Variants in ARHGAP12 observed in about 807,000 individuals in gnomAD.
The protein encoded by ARHGAP12 is Rho GTPase activating protein 12.
ARHGAP12 carries 64 observed loss-of-function variants against 108.6 expected under a neutral mutation model. That is an observed-to-expected ratio of 0.59 (90% CI 0.48 to 0.73). The LOEUF is 0.73. ARHGAP12 is among the 30% of genes least tolerant of loss of function. The pLI, the probability that ARHGAP12 is intolerant of heterozygous loss-of-function variation, is 0.00. For missense variants in ARHGAP12, 940 were observed against 1,005.9 expected (o/e 0.93, Z 0.89); for synonymous variants, 312 against 337.2 (o/e 0.93, Z 0.82).
intron 4 of ARHGAP12, among the ~76,000 whole-genome samples, chr10:31,860,890 C>T (rs1837088372): frequency 1.3e-5 from 2 of 152,050 alleles, no homozygotes; most frequent in South Asian, 4.1e-4. Context: ...GACCCCATCT[C>T]TACAAATAAA....
In ARHGAP12 at chr10:31,812,794, C is replaced by G; in HGVS notation, c.1864G>C (p.Glu622Gln). ...AAGTTTTTCTTGGTTTTTTTCTGTT[C>G]TGAAGAATCTATGCTAGATACTTTA... ...SFKVSSIDSS[E>Q]QKKTKKNLKK... Residue 622 changes from glutamate to glutamine, a missense_variant, in exon 15 of 20, where the codon GAA (glutamate) becomes CAA (glutamine). Coordinates refer to ENST00000344936, the MANE Select transcript of ARHGAP12 (RefSeq NM_018287.7). 4 of 1,606,514 alleles carry G rather than the reference C, an allele frequency of 2.5e-6. No individual in the cohort carries two copies. Among genetic ancestry groups the G allele is most frequent in the Non-Finnish European group, 3.4e-6 (4 of 1,177,018 alleles).
At chr10:31,891,205 T>C (rs535455598) in intron 3 of ARHGAP12, among the ~76,000 whole-genome samples, 2 of 152,312 alleles carry the variant, frequency 1.3e-5, no homozygotes, top group South Asian at 4.1e-4. Flanking sequence ...AAGATTAGGC[T>C]TCAAATGCCA....
chr10:31,839,394 T>C (rs530001669), intron 8 of ARHGAP12, 75 bp from the exon 9 acceptor site: 14 of 1,435,944 alleles, frequency 9.7e-6, no homozygotes, highest in Middle Eastern at 1.8e-4. Flanking sequence ...AAAACAAATA[T>C]AAGTTCATCA....
intron 12 of ARHGAP12, among the ~76,000 whole-genome samples, chr10:31,819,303 C>T (rs1835324165): frequency 6.6e-6 from 1 of 152,088 alleles, no homozygotes; most frequent in African/African-American, 2.4e-5. Context: ...ACCTGGGCTC[C>T]ACTTGGAAAA....
At chr10:31,886,317 A>T (rs1838187918) in intron 3 of ARHGAP12, among the ~76,000 whole-genome samples, 1 of 152,182 alleles carries the variant, frequency 6.6e-6, no homozygotes, top group Non-Finnish European at 1.5e-5. Flanking sequence ...CTTCTCAACC[A>T]TATTTTCCAC....
intron 11 of ARHGAP12, among the ~76,000 whole-genome samples, chr10:31,823,844 T>C (rs887878478): frequency 1.3e-5 from 2 of 152,180 alleles, no homozygotes; most frequent in African/African-American, 4.8e-5. Context: ...TGTTGGTTTT[T>C]TGGCTTACAT....
At chr10:31,891,459 C>G (rs962467486) in intron 3 of ARHGAP12, among the ~76,000 whole-genome samples, 9 of 152,240 alleles carry the variant, frequency 5.9e-5, no homozygotes, top group African/African-American at 1.9e-4. Context: ...CACTGTTAGT[C>G]TGATGGGCTT....
At chr10:31,832,429 A>G (rs1423735092) in intron 9 of ARHGAP12, among the ~76,000 whole-genome samples, 1 of 152,218 alleles carries the variant, frequency 6.6e-6, no homozygotes, top group Non-Finnish European at 1.5e-5. Context: ...ACAGTGACAC[A>G]AGCTTTATCA....
chr10:31,909,070 A>G, intron 2 of ARHGAP12, 144 bp from the exon 3 acceptor site: 1 of 532,604 alleles, frequency 1.9e-6, no homozygotes, highest in Non-Finnish European at 3.3e-6. Context: ...ACATGTGTCT[A>G]CTATCATATG....
chr10:31,826,203 C>T, intron 11 of ARHGAP12, 101 bp downstream of exon 11: 2 of 807,122 alleles, frequency 2.5e-6, no homozygotes, highest in Non-Finnish European at 3.9e-6. Context: ...TGCACACTAG[C>T]TATAACTATA....
chr10:31,836,642 T>C (rs1836027154), intron 9 of ARHGAP12, among the ~76,000 whole-genome samples: 1 of 152,176 alleles, frequency 6.6e-6, no homozygotes. Flanking sequence ...AGCTTCCTTC[T>C]TTCTTATCAC....
rs575343595 is a variant in ARHGAP12, at chr10:31,826,256, T to G, written c.1530+48A>C. 415 of 1,465,234 alleles carry G rather than the reference T, an allele frequency of 2.8e-4. 4 individuals carry two copies. In the South Asian group the frequency reaches 4.7e-3, roughly 17 times the overall value. 90.8% of individuals were successfully genotyped at this position (1,465,234 alleles called of 1,614,324 possible). On this transcript the variant is annotated intron_variant, in intron 11 of 19. Coordinates refer to ENST00000344936, the MANE Select transcript of ARHGAP12 (RefSeq NM_018287.7). ...CTCCTGAAATTCAGGTACGATACTA[T>G]TCACATAATTTAAATGTATAAAATC...
intron 3 of ARHGAP12, among the ~76,000 whole-genome samples, chr10:31,881,137 T>C (rs1392089785): frequency 6.6e-6 from 1 of 151,064 alleles, no homozygotes; most frequent in Non-Finnish European, 1.5e-5. Context: ...GCCCATGCTG[T>C]ATGAGTTCCT....
rs748203346 is a variant in ARHGAP12 at position 31,908,225 on chromosome 10, G to C, written c.631C>G (p.Gln211Glu). ...SAGEGSERIH[Q>E]DSESGDELSS... ...AGTTCATCACCAGATTCAGAATCTT[G>C]ATGTATTCTTTCAGAGCCTTCTCCT... The change falls in exon 3 of 20, where the codon CAA becomes GAA. Residue 211 changes from glutamine (Q) to glutamate (E), a missense_variant. Coordinates refer to ENST00000344936, the MANE Select transcript of ARHGAP12 (RefSeq NM_018287.7). 12 of 1,613,184 alleles carry C rather than the reference G, an allele frequency of 7.4e-6. No individual in the cohort carries two copies. The highest frequency in any genetic ancestry group is 7.6e-6 in the Non-Finnish European group (9 of 1,179,698).
chr10:31,914,386 G>A (rs1182478658), intron 1 of ARHGAP12, among the ~76,000 whole-genome samples: 4 of 151,534 alleles, frequency 2.6e-5, no homozygotes, highest in Admixed American at 1.3e-4. Context: ...TCTGCATGTC[G>A]CTATACATCT....
Position 31,861,407 on chromosome 10 carries a change from T to C in ARHGAP12, c.936A>G (p.Pro312=). 1 of 1,612,376 alleles carries C rather than the reference T, an allele frequency of 6.2e-7. No homozygotes were observed. The highest frequency in any genetic ancestry group is 8.5e-7 in the Non-Finnish European group (1 of 1,179,402). ...ASISKGDFQN[P]GDQELLSSEE... is the part of the protein sequence containing the mutation. Reference sequence around the variant, plus strand: ...TAATTACTCATACCTCTTGATCCCCTGGATTTTGGAAATCTCCTTTGCTGA... The same window carrying C: ...TAATTACTCATACCTCTTGATCCCCCGGATTTTGGAAATCTCCTTTGCTGA... The change falls in exon 4 of 20, where the codon CCA becomes CCG. Residue 312 remains proline, a synonymous_variant. Coordinates refer to ENST00000344936, the MANE Select transcript of ARHGAP12 (RefSeq NM_018287.7).
intron 3 of ARHGAP12, among the ~76,000 whole-genome samples, chr10:31,900,601 G>A (rs1206704004): frequency 6.6e-6 from 1 of 152,168 alleles, no homozygotes; most frequent in Non-Finnish European, 1.5e-5. Context: ...AATCTGAAAA[G>A]GCTACCTACT....
intron 12 of ARHGAP12, 148 bp from the exon 13 acceptor site, chr10:31,818,034 G>A (rs529053708): frequency 5.1e-6 from 3 of 583,432 alleles, no homozygotes; most frequent in South Asian, 2.1e-5. Context: ...AGGACTACAC[G>A]GCTATGGAAT....
chr10:31,882,664 C>T (rs1389934326), intron 3 of ARHGAP12, among the ~76,000 whole-genome samples: 1 of 151,368 alleles, frequency 6.6e-6, no homozygotes, highest in Non-Finnish European at 1.5e-5. Flanking sequence ...AATACAAAAA[C>T]TACGTGGGCG....
Sources: allele counts gnomAD v4.1 joint callset (sites outside exome capture counted in the v4.1 genomes callset), GRCh38; gene constraint gnomAD v4.1.1; transcripts MANE v1.5; gene names NCBI Gene and HGNC (gene_info 2026-07-23, HGNC 2026-07-21).